The following KCNG3 variants were observed in gnomAD, a reference collection of about 807,000 sequenced individuals.
KCNG3 encodes voltage-gated potassium channel regulatory subunit KCNG3.
Under a neutral mutation model 29.0 loss-of-function variants are expected in KCNG3, and 15 were observed. The ratio of observed to expected loss-of-function variants is 0.52; its 90% CI spans 0.35 to 0.80. The LOEUF is 0.80. Ranked by LOEUF, KCNG3 falls within the 30% of genes least tolerant of loss-of-function variation. The pLI is 0.01. For missense variants in KCNG3, 512 were observed against 605.7 expected, an observed-to-expected ratio of 0.85 and a Z score of 1.62; for synonymous variants, 322 against 248.9, an observed-to-expected ratio of 1.29 and a Z score of -2.76.
the KCNG3 span, among the ~76,000 whole-genome samples, chr2:42,408,830 G>A: frequency 1.3e-5 from 2 of 152,222 alleles, no homozygotes; most frequent in African/African-American, 2.4e-5. Context: ...GAGAAGTAGA[G>A]AAGAGCTGCA....
At chr2:42,480,200 G>T (rs764959762) in intron 1 of KCNG3, among the ~76,000 whole-genome samples, 1 of 152,120 alleles carries the variant, frequency 6.6e-6, no homozygotes, top group African/African-American at 2.4e-5. Context: ...GTGGTCCTCA[G>T]TTGGATCCAA....
At chr2:42,432,846 G>A in the KCNG3 span, among the ~76,000 whole-genome samples, 1 of 150,190 alleles carries the variant, frequency 6.7e-6, no homozygotes. Context: ...TCAACAAAAT[G>A]TATTTCCTGA....
chr2:42,442,851 A>C lies in KCNG3; in HGVS notation c.*1083T>G, dbSNP rs1672515472. 1.3e-5 allele frequency: 2 copies of C among 152,156 alleles called. No individual in the cohort carries two copies. The highest frequency in any genetic ancestry group is 4.1e-4 in the South Asian group (2 of 4,828). The allele number at this position is 152,156 out of a possible 1,614,324, so 9.4% of individuals were successfully genotyped here. The stretch of plus-strand genomic sequence containing the variant: ...GTGTAGCTGTGATTCACAATAGTTA[A>C]AGATCAGATCAAATCATTATGTATC... On this transcript the variant is annotated 3_prime_UTR_variant, in exon 2 of 2. Coordinates refer to ENST00000306078, the MANE Select transcript of KCNG3 (RefSeq NM_133329.6).
At chr2:42,421,831 C>A in the KCNG3 span, among the ~76,000 whole-genome samples, 1 of 152,226 alleles carries the variant, frequency 6.6e-6, no homozygotes, top group Non-Finnish European at 1.5e-5. Context: ...GTCAGCCCCA[C>A]ACAGTGGACA....
rs751939708 is a variant in KCNG3, at chr2:42,493,394, G to A, written c.108C>T (p.Ser36=). 17 of 1,523,908 alleles carry A rather than the reference G, an allele frequency of 1.1e-5. No homozygotes were observed. Among genetic ancestry groups the A allele is most frequent in the Non-Finnish European group, 1.4e-5 (16 of 1,137,056 alleles). 94.4% of individuals were successfully genotyped at this position (1,523,908 alleles called of 1,614,324 possible). Residue 36 remains serine, a synonymous_variant, in exon 1 of 2, where the codon AGC becomes AGT. Transcript: ENST00000306078. ...LLKDFPLRRV[S]RLHGCRSERD... ...GCTCGGAGCGGCAGCCGTGCAGCCG[G>A]CTCACGCGGCGCAGCGGGAAGTCCT...
chr2:42,408,397 C>T, the KCNG3 span, among the ~76,000 whole-genome samples: 1 of 152,276 alleles, frequency 6.6e-6, no homozygotes, highest in East Asian at 1.9e-4. Flanking sequence ...CACTTCCTCC[C>T]CTCAGAGGCC....
chr2:42,466,753 C>CCTTTT (rs1553329191), intron 1 of KCNG3, among the ~76,000 whole-genome samples: 2 of 134,270 alleles, frequency 1.5e-5, no homozygotes, highest in Non-Finnish European at 1.6e-5. Flanking sequence ...AATACTCTTC[C>CCTTTT]TTTTTTTTTT....
intron 1 of KCNG3, among the ~76,000 whole-genome samples, chr2:42,448,018 T>A (rs1023194444): frequency 3.9e-5 from 6 of 152,162 alleles, no homozygotes; most frequent in Non-Finnish European, 8.8e-5. Flanking sequence ...GAGTGTCTAT[T>A]CCCCACGGCC....
chr2:42,414,630 T>C, the KCNG3 span, among the ~76,000 whole-genome samples: 2 of 152,112 alleles, frequency 1.3e-5, no homozygotes. Flanking sequence ...CCTTTTTAAA[T>C]GCTGAAAAAT....
intron 1 of KCNG3, among the ~76,000 whole-genome samples, chr2:42,490,844 G>C (rs1673853167): frequency 6.6e-6 from 1 of 152,200 alleles, no homozygotes; most frequent in African/African-American, 2.4e-5. Context: ...CAAGCAAGCA[G>C]GGTTTTAACG....
the KCNG3 span, among the ~76,000 whole-genome samples, chr2:42,413,536 T>C: frequency 6.6e-6 from 1 of 152,368 alleles, no homozygotes; most frequent in East Asian, 1.9e-4. Flanking sequence ...ATTCTATTTC[T>C]AGTCTTCTAG....
At chr2:42,452,669 C>T (rs1378677819) in intron 1 of KCNG3, among the ~76,000 whole-genome samples, 1 of 152,114 alleles carries the variant, frequency 6.6e-6, no homozygotes, top group African/African-American at 2.4e-5. Context: ...AAAATGACCT[C>T]CAGTTCCATG....
chr2:42,472,147 T>C (rs1558384252), intron 1 of KCNG3, among the ~76,000 whole-genome samples: 1 of 152,214 alleles, frequency 6.6e-6, no homozygotes, highest in African/African-American at 2.4e-5. Context: ...GTCTCCTACA[T>C]GTGCACTGAG....
At chr2:42,455,838 T>G (rs1672862893) in intron 1 of KCNG3, among the ~76,000 whole-genome samples, 1 of 151,322 alleles carries the variant, frequency 6.6e-6, no homozygotes, top group Non-Finnish European at 1.5e-5. Flanking sequence ...TGAATCTGAA[T>G]AGCTGACTTG....
intron 1 of KCNG3, among the ~76,000 whole-genome samples, chr2:42,452,335 T>G (rs1672780952): frequency 6.7e-6 from 1 of 150,322 alleles, no homozygotes; most frequent in Admixed American, 6.6e-5. Flanking sequence ...AGCCTCAAAT[T>G]CACCTAAAGC....
At chr2:42,489,603 C>G (rs951798791) in intron 1 of KCNG3, among the ~76,000 whole-genome samples, 2 of 152,084 alleles carry the variant, frequency 1.3e-5, no homozygotes, top group Non-Finnish European at 1.5e-5. Flanking sequence ...AACATCACAT[C>G]CACTAGGGTG....
At chr2:42,409,412 A>AT in the KCNG3 span, among the ~76,000 whole-genome samples, 24,250 of 151,898 alleles carry the variant, frequency 0.16, 2,075 homozygotes, top group African/African-American at 0.22. Context: ...CATTCAAAGC[A>AT]TTTTTTTAAG....
chr2:42,468,921 T>A (rs1673212468), intron 1 of KCNG3, among the ~76,000 whole-genome samples: 1 of 111,398 alleles, frequency 9.0e-6, no homozygotes. Context: ...GCCACTGCAC[T>A]ACAGCCTGGG....
chr2:42,422,780 C>T, the KCNG3 span, among the ~76,000 whole-genome samples: 1 of 152,144 alleles, frequency 6.6e-6, no homozygotes, highest in African/African-American at 2.4e-5. Flanking sequence ...TGCATCTGCA[C>T]CCTAAGCCAC....
Sources: gnomAD v4.1 joint callset for allele counts (sites outside exome capture counted in the v4.1 genomes callset) on GRCh38, gnomAD v4.1.1 for gene constraint, MANE v1.5 for transcripts, NCBI Gene and HGNC (gene_info 2026-07-23, HGNC 2026-07-21) for gene names.